Variants in NRG3 observed in about 807,000 individuals in gnomAD.
NRG3 encodes pro-neuregulin-3, membrane-bound isoform.
A neutral mutation model predicts 66.9 loss-of-function variants in NRG3; 31 were observed. The ratio of observed to expected loss-of-function variants is 0.46; its 90% CI spans 0.35 to 0.63. The LOEUF (loss-of-function observed/expected upper bound fraction) is 0.63, where lower values mean the gene tolerates loss of function less well. NRG3 is among the 20% of genes least tolerant of loss of function. The pLI, the probability that NRG3 is intolerant of heterozygous loss-of-function variation, is 0.00. For synonymous variants in NRG3, 393 were observed against 359.4 expected (o/e 1.09, Z -1.06); for missense variants, 910 against 878.9 (o/e 1.04, Z -0.45).
intron 1 of NRG3, among the ~76,000 whole-genome samples, chr10:82,146,449 C>A (rs973919229): frequency 6.6e-6 from 1 of 151,566 alleles, no homozygotes; most frequent in Non-Finnish European, 1.5e-5. Flanking sequence ...ATTCTCAGGG[C>A]TCAGTCATTC....
chr10:82,130,876 T>G (rs896509938), intron 1 of NRG3, among the ~76,000 whole-genome samples: 10 of 152,180 alleles, frequency 6.6e-5, no homozygotes, highest in Non-Finnish European at 8.8e-5. Flanking sequence ...TTGCCCATTT[T>G]AAAATCAGAT....
chr10:82,313,472 C>T (rs2081139323), intron 1 of NRG3, among the ~76,000 whole-genome samples: 1 of 151,986 alleles, frequency 6.6e-6, no homozygotes, highest in Non-Finnish European at 1.5e-5. Context: ...TGTATTAGTC[C>T]TATGCTTTAA....
At chr10:82,791,182 G>T (rs528668777) in intron 3 of NRG3, among the ~76,000 whole-genome samples, 1 of 151,562 alleles carries the variant, frequency 6.6e-6, no homozygotes, top group Admixed American at 6.6e-5. Flanking sequence ...GTTTCTTTGT[G>T]TATCCCATAA....
At chr10:82,035,366 T>G (rs1277081678) in intron 1 of NRG3, among the ~76,000 whole-genome samples, 1 of 152,136 alleles carries the variant, frequency 6.6e-6, no homozygotes, top group Non-Finnish European at 1.5e-5. Context: ...TGATTTTTTT[T>G]GCTGTTATTT....
chr10:82,278,206 A>G (rs1452870486), intron 1 of NRG3, among the ~76,000 whole-genome samples: 1 of 152,084 alleles, frequency 6.6e-6, no homozygotes, highest in African/African-American at 2.4e-5. Flanking sequence ...GTGATGGACT[A>G]CATATTTTTT....
chr10:82,254,611 C>A (rs1370284674), intron 1 of NRG3, among the ~76,000 whole-genome samples: 4 of 151,856 alleles, frequency 2.6e-5, no homozygotes, highest in Non-Finnish European at 5.9e-5. Flanking sequence ...CCTGGAGCAT[C>A]TTATACTGCC....
intron 3 of NRG3, among the ~76,000 whole-genome samples, chr10:82,850,901 C>A (rs191686176): frequency 2.3e-3 from 350 of 152,170 alleles, no homozygotes; most frequent in African/African-American, 7.9e-3. Flanking sequence ...TGATAACTGG[C>A]CATAGACATA....
intron 1 of NRG3, among the ~76,000 whole-genome samples, chr10:82,315,980 G>T (rs187010669): frequency 6.6e-6 from 1 of 152,004 alleles, no homozygotes; most frequent in Non-Finnish European, 1.5e-5. Context: ...GTCCATAGTC[G>T]CAATAGGAAG....
At chr10:82,879,697 C>T (rs531678974) in intron 4 of NRG3, among the ~76,000 whole-genome samples, 2 of 151,996 alleles carry the variant, frequency 1.3e-5, no homozygotes, top group South Asian at 2.1e-4. Flanking sequence ...AGGATGGTCT[C>T]GATCTCCTGA....
chr10:82,321,827 T>G (rs1351909743), intron 1 of NRG3, among the ~76,000 whole-genome samples: 1 of 152,174 alleles, frequency 6.6e-6, no homozygotes, highest in Admixed American at 6.5e-5. Flanking sequence ...TTTTTCTCCC[T>G]CTAGTTAACA....
chr10:81,972,706 A>G (rs191611971), intron 1 of NRG3, among the ~76,000 whole-genome samples: 38 of 152,314 alleles, frequency 2.5e-4, no homozygotes, highest in African/African-American at 7.5e-4. Flanking sequence ...ACATCCTATT[A>G]TAAGTGTAAT....
intron 2 of NRG3, among the ~76,000 whole-genome samples, chr10:82,677,116 G>C (rs1472856187): frequency 2.7e-5 from 4 of 148,994 alleles, no homozygotes; most frequent in Non-Finnish European, 5.9e-5. Flanking sequence ...CTGGGGCGCA[G>C]TGGCATGATC....
rs556363293 is a variant in NRG3 at position 82,533,561 on chromosome 10, A to G, written c.953+174693A>G. 3.5e-3 allele frequency among the ~76,000 whole-genome samples: 532 copies of G among 152,206 alleles called. 4 individuals carry two copies. The highest frequency in any genetic ancestry group is 0.013 in the African/African-American group (523 of 41,530). On this transcript the variant is annotated intron_variant, in intron 2 of 8. Coordinates refer to ENST00000372141, the MANE Select transcript of NRG3 (RefSeq NM_001010848.4). ...GTTAAAAAGAATGTATTTCTCTTTC[A>G]ACAAAGTAGGAATAGAAGAAAATTA...
At chr10:82,473,744 C>G (rs1841494272) in intron 2 of NRG3, among the ~76,000 whole-genome samples, 1 of 152,088 alleles carries the variant, frequency 6.6e-6, no homozygotes, top group Non-Finnish European at 1.5e-5. Flanking sequence ...AACATCCTAA[C>G]TTGTCTTCAG....
At chr10:82,648,320 T>C (rs1312735445) in intron 2 of NRG3, among the ~76,000 whole-genome samples, 6 of 151,884 alleles carry the variant, frequency 4.0e-5, no homozygotes, top group Admixed American at 2.6e-4. Flanking sequence ...GTTGTAGATA[T>C]GCGGCATTAT....
intron 2 of NRG3, among the ~76,000 whole-genome samples, chr10:82,450,478 A>C (rs1231311011): frequency 1.3e-5 from 2 of 152,152 alleles, no homozygotes; most frequent in East Asian, 3.9e-4. Flanking sequence ...TTTATATAAT[A>C]AACCAAAATC....
chr10:81,896,764 A>G (rs1194416871), intron 1 of NRG3, among the ~76,000 whole-genome samples: 3 of 152,002 alleles, frequency 2.0e-5, no homozygotes, highest in African/African-American at 7.3e-5. Flanking sequence ...ATGAACAAGC[A>G]TGCCTGATTC....
intron 1 of NRG3, among the ~76,000 whole-genome samples, chr10:82,270,701 T>C (rs2078546886): frequency 6.6e-6 from 1 of 152,094 alleles, no homozygotes; most frequent in South Asian, 2.1e-4. Flanking sequence ...TGGTAGCTGC[T>C]TAGAGAGATG....
chr10:82,160,754 C>A (rs117383568), intron 1 of NRG3, among the ~76,000 whole-genome samples: 1 of 151,996 alleles, frequency 6.6e-6, no homozygotes, highest in Non-Finnish European at 1.5e-5. Context: ...GGATAAAGAC[C>A]AACATTCAGT....
Sources: gnomAD v4.1 joint callset for allele counts (sites outside exome capture counted in the v4.1 genomes callset) on GRCh38, gnomAD v4.1.1 for gene constraint, MANE v1.5 for transcripts, NCBI Gene and HGNC (gene_info 2026-07-23, HGNC 2026-07-21) for gene names.